The following RGS3 variants were observed in gnomAD, a reference collection of about 807,000 sequenced individuals.
RGS3 encodes the protein regulator of G-protein signalling 3.
RGS3 carries 80 observed loss-of-function variants against 132.6 expected under a neutral mutation model. The observed-to-expected ratio is 0.60, with a 90% CI of 0.50 to 0.73. RGS3 has a LOEUF of 0.73. Among genes scored for constraint, RGS3 ranks in the 30% least tolerant of loss-of-function variants. The pLI, the probability that RGS3 is intolerant of heterozygous loss-of-function variation, is 0.00. For missense variants in RGS3, 1,382 were observed against 1,530.8 expected, an observed-to-expected ratio of 0.90 and a Z score of 1.62; for synonymous variants, 598 against 620.6, an observed-to-expected ratio of 0.96 and a Z score of 0.54.
chr9:113,454,594 C>T (rs1001999346), intron 1 of RGS3, among the ~76,000 whole-genome samples: 1 of 150,876 alleles, frequency 6.6e-6, no homozygotes, highest in African/African-American at 2.4e-5. Context: ...GGCGACAGAG[C>T]GAGACAGTAT....
rs1054656002 is a variant in RGS3 at position 113,501,288 on chromosome 9, C to A, written c.897+3208C>A. ...GCGGAGAATGCAGCCAGAACAAAGG[C>A]GCCCTCTCCCCGCCGGGCCCGGGGA... On this transcript the variant is annotated intron_variant, in intron 10 of 24. Transcript: ENST00000350696. 3 of 644,016 alleles carry A rather than the reference C, an allele frequency of 4.7e-6. No homozygotes were observed. In the African/African-American group the frequency reaches 5.4e-5, roughly 12 times the overall value. 39.9% of individuals were successfully genotyped at this position (644,016 alleles called of 1,614,324 possible). A position where few individuals can be genotyped will look rare whatever the true frequency, so the allele number is the denominator to read the frequency against.
intron 20 of RGS3, among the ~76,000 whole-genome samples, chr9:113,586,535 C>T (rs967152561): frequency 3.9e-5 from 6 of 152,204 alleles, no homozygotes; most frequent in Non-Finnish European, 5.9e-5. Context: ...GTCCCACCAA[C>T]TTTTAGCCGG....
chr9:113,468,171 G>A (rs1473030205), intron 3 of RGS3, among the ~76,000 whole-genome samples: 2 of 152,186 alleles, frequency 1.3e-5, no homozygotes, highest in African/African-American at 2.4e-5. Context: ...TCTTCTAAGA[G>A]TTTTATAGTT....
intron 6 of RGS3, among the ~76,000 whole-genome samples, chr9:113,484,980 T>G (rs1246733864): frequency 1.3e-5 from 2 of 152,148 alleles, no homozygotes; most frequent in African/African-American, 4.8e-5. Flanking sequence ...TTTCAGACCT[T>G]TTAAGGTCCT....
At chr9:113,535,430 C>T (rs911019866) in intron 18 of RGS3, among the ~76,000 whole-genome samples, 3 of 152,214 alleles carry the variant, frequency 2.0e-5, no homozygotes, top group African/African-American at 7.2e-5. Context: ...CTCGGCCTCC[C>T]AAAGTGCTGG....
chr9:113,559,121 G>A, intron 19 of RGS3, among the ~76,000 whole-genome samples: 1 of 152,258 alleles, frequency 6.6e-6, no homozygotes, highest in East Asian at 1.9e-4. Context: ...GTGGACCCAG[G>A]GGAGTGTGTG....
At chr9:113,576,027 C>T (rs1459742240) in intron 19 of RGS3, among the ~76,000 whole-genome samples, 1 of 151,824 alleles carries the variant, frequency 6.6e-6, no homozygotes, top group African/African-American at 2.4e-5. Context: ...GGTGAAACCC[C>T]GTCTCTACTA....
In RGS3 at chr9:113,495,735, C is replaced by T. The variant is rs150978370; in HGVS notation, c.690-51C>T. The T allele has an allele frequency of 2.1e-3, 3,163 of 1,516,172 alleles. 4 individuals are homozygous for T. The highest frequency in any genetic ancestry group is 2.6e-3 in the Non-Finnish European group (2,843 of 1,090,544). 93.9% of individuals were successfully genotyped at this position (1,516,172 alleles called of 1,614,324 possible). A position where few individuals can be genotyped will look rare whatever the true frequency, so the allele number is the denominator to read the frequency against. On this transcript the variant is annotated intron_variant, in intron 7 of 24. Transcript: ENST00000350696. The stretch of plus-strand genomic sequence containing the variant: ...ATGCTATACTTGATAATGGACCTCC[C>T]GATAGAGCCCAGAAAAAAAATGCTG...
intron 19 of RGS3, among the ~76,000 whole-genome samples, chr9:113,553,674 T>G (rs1833453044): frequency 6.6e-6 from 1 of 151,446 alleles, no homozygotes; most frequent in South Asian, 2.1e-4. Flanking sequence ...AAAGCCCATC[T>G]CTACTAAAAA....
At chr9:113,535,800 T>A (rs899891498) in intron 18 of RGS3, among the ~76,000 whole-genome samples, 2 of 152,112 alleles carry the variant, frequency 1.3e-5, no homozygotes, top group Non-Finnish European at 2.9e-5. Context: ...GGGGTTATAA[T>A]CAAATTCTAG....
rs563225932 is a variant in RGS3 at position 113,557,016 on chromosome 9, A to G, written c.2037+20098A>G. On this transcript the variant is annotated intron_variant, in intron 19 of 24. Coordinates refer to ENST00000350696, the Ensembl canonical transcript of RGS3. ...ATAGAACACACGCAGTCACCTTCACACTGCTGAGTGTTTGTTGAATGACTG... is the reference window on the plus strand; with the variant it reads ...ATAGAACACACGCAGTCACCTTCACGCTGCTGAGTGTTTGTTGAATGACTG... 3.2e-4 allele frequency among the ~76,000 whole-genome samples: 49 copies of G among 152,304 alleles called. No homozygotes were observed. The South Asian group carries it at 9.7e-3, about 30-fold the overall frequency.
At chr9:113,595,399 A>T in intron 23 of RGS3, 200 bp from the exon 22 acceptor site, 2 of 591,822 alleles carry the variant, frequency 3.4e-6, no homozygotes, top group Non-Finnish European at 6.0e-6. Flanking sequence ...AGGCATAGAG[A>T]GGGGGAGACC....
At chr9:113,524,796 G>A (rs938878384) in intron 17 of RGS3, among the ~76,000 whole-genome samples, 1 of 152,198 alleles carries the variant, frequency 6.6e-6, no homozygotes, top group Non-Finnish European at 1.5e-5. Flanking sequence ...ATATTATCCT[G>A]CCTCTACCCC....
At chr9:113,448,908 T>C (rs752697562) in intron 1 of RGS3, among the ~76,000 whole-genome samples, 2 of 152,068 alleles carry the variant, frequency 1.3e-5, no homozygotes, top group Admixed American at 6.6e-5. Context: ...CAAGTGAAGA[T>C]GTTTGTGGAG....
At position 113,463,764 on chromosome 9, in the gene RGS3, G is replaced by C. The variant is rs1445498922; in HGVS notation, c.415+1563G>C. The C allele has an allele frequency of 6.3e-7, 1 of 1,577,744 alleles. No individual in the cohort carries two copies. The highest frequency in any genetic ancestry group is 8.6e-7 in the Non-Finnish European group (1 of 1,163,580). On this transcript the variant is annotated intron_variant, in intron 3 of 24. Transcript: ENST00000350696. This position sits in a 1 kb window ranked among gnomAD's most constrained non-coding sequence, Gnocchi z 4.6. ...TACTGGGGAGCAACACAGCCGCCTC[G>C]GGTTGCAGACGCTCCTGTCCGGGTC... is the stretch of plus-strand genomic sequence containing the variant.
At chr9:113,471,910 T>G (rs111405791) in intron 3 of RGS3, among the ~76,000 whole-genome samples, 2,223 of 152,110 alleles carry the variant, frequency 0.015, 60 homozygotes, top group African/African-American at 0.051. Context: ...GATACAAAAA[T>G]GAAAGCAAGA....
intron 1 of RGS3, among the ~76,000 whole-genome samples, chr9:113,453,147 TTATATAATA>T (rs1440035913): frequency 7.9e-6 from 1 of 126,166 alleles, no homozygotes; most frequent in African/African-American, 2.8e-5. Flanking sequence ...ACTCATATGA[TTATATAATA>T]TACTCATATG....
intron 1 of RGS3, among the ~76,000 whole-genome samples, chr9:113,446,329 G>A (rs1168988186): frequency 6.6e-6 from 1 of 152,184 alleles, no homozygotes; most frequent in African/African-American, 2.4e-5. Flanking sequence ...TATCTTGATA[G>A]AGAAAAGAAA....
intron 10 of RGS3, chr9:113,501,417 C>T: frequency 6.8e-7 from 1 of 1,463,308 alleles, no homozygotes; most frequent in Non-Finnish European, 9.0e-7. Context: ...GCACACAGCA[C>T]AGACAGGGCT....
Sources: gnomAD v4.1 joint callset for allele counts (sites outside exome capture counted in the v4.1 genomes callset) on GRCh38, gnomAD v4.1.1 for gene constraint, Gnocchi (gnomAD v3.1) non-coding constraint, MANE v1.5 for transcripts, NCBI Gene and HGNC (gene_info 2026-07-23, HGNC 2026-07-21) for gene names.